CTSD: variants seen among roughly 807,000 people sequenced by gnomAD.
The protein encoded by CTSD is ceroid-lipofuscinosis, neuronal 10.
In CTSD, 28 loss-of-function variants were observed where a neutral mutation model predicts 43.6. That is an observed-to-expected ratio of 0.64 (90% CI 0.48 to 0.88). The LOEUF (loss-of-function observed/expected upper bound fraction) is 0.88, where lower values mean the gene tolerates loss of function less well. Ranked by LOEUF, CTSD falls within the 40% of genes least tolerant of loss-of-function variation. CTSD has a pLI of 0.00. For synonymous variants in CTSD, 270 were observed against 249.8 expected, an observed-to-expected ratio of 1.08 and a Z score of -0.76; for missense variants, 485 against 555.2, an observed-to-expected ratio of 0.87 and a Z score of 1.27.
intron 1 of CTSD, 132 bp downstream of exon 1, chr11:1,763,660 C>A: frequency 1.1e-6 from 1 of 882,122 alleles, no homozygotes; most frequent in Non-Finnish European, 1.6e-6. Context: ...CAGGGCGGCA[C>A]AGGTGCATTC....
At chr11:1,757,301 C>G (rs374359096) in intron 5 of CTSD, 23 bp downstream of exon 5, 1 of 1,598,610 alleles carries the variant, frequency 6.3e-7, no homozygotes. Flanking sequence ...CAACGCGGAG[C>G]GAGAGGGAAC....
Position 1,763,870 on chromosome 11 carries a change from G to A in CTSD, c.-11C>T. 3 of 1,522,496 alleles carry A rather than the reference G, an allele frequency of 2.0e-6. No homozygotes were observed. Among genetic ancestry groups the A allele is most frequent in the Non-Finnish European group, 8.8e-7 (1 of 1,140,650 alleles). The allele number at this position is 1,522,496 out of a possible 1,614,324, so 94.3% of individuals were successfully genotyped here. ...GCTGGAGGGCTGCATGGCGGCGGCG[G>A]CCGGGTCGGAGAGGGTCGCCGAGGC... On this transcript the variant is annotated 5_prime_UTR_variant, in exon 1 of 9. Transcript: ENST00000236671.
chr11:1,759,014 A>G lies in CTSD; in HGVS notation c.426T>C (p.Tyr142=). 2 of 1,614,076 alleles carry G rather than the reference A, an allele frequency of 1.2e-6. No homozygotes were observed. Among genetic ancestry groups the G allele is most frequent in the East Asian group, 2.2e-5 (1 of 44,876 alleles). The change falls in exon 4 of 9, where the codon TAT becomes TAC. Residue 142 remains tyrosine (Y), a synonymous_variant. Coordinates refer to ENST00000236671, the MANE Select transcript of CTSD (RefSeq NM_001909.5). The part of the protein sequence containing the change: ...VKNGTSFDIH[Y]GSGSLSGYLS... ...GGTACCCGGAGAGGCTGCCCGAGCC[A>G]TAGTGGATGTCAAACGAGGTACCAT... is the stretch of plus-strand genomic sequence containing the variant.
chr11:1,762,279 G>C (rs1845888684), intron 1 of CTSD: 1 of 152,592 alleles, frequency 6.6e-6, no homozygotes, highest in Admixed American at 6.5e-5. Flanking sequence ...CACACCGCCA[G>C]CCAGGGTGCA....
Position 1,759,648 on chromosome 11 carries a change from G to C in CTSD, c.229-9C>G, listed in dbSNP as rs1448310730. On this transcript the variant is annotated splice_polypyrimidine_tract_variant and intron_variant, in intron 2 of 8. Coordinates refer to ENST00000236671, the MANE Select transcript of CTSD (RefSeq NM_001909.5). Reference sequence around the variant, plus strand: ...TCCCCGTAGTACTGGGCCTGGCAGGGGACAGGGTCCGTCAGGGATGGGAGA... The same window carrying C: ...TCCCCGTAGTACTGGGCCTGGCAGGCGACAGGGTCCGTCAGGGATGGGAGA... The C allele has an allele frequency of 6.2e-7, 1 of 1,610,492 alleles. No individual in the cohort carries two copies. Among genetic ancestry groups the C allele is most frequent in the South Asian group, 1.1e-5 (1 of 91,010 alleles).
At chr11:1,754,310 C>T in intron 6 of CTSD, 172 bp from the exon 7 acceptor site, 1 of 673,832 alleles carries the variant, frequency 1.5e-6, no homozygotes, top group East Asian at 3.3e-5. Flanking sequence ...AGAGGAGACA[C>T]AGAGTGGTAG....
intron 7 of CTSD, 45 bp from the exon 8 acceptor site, chr11:1,753,946 G>A (rs767386720): frequency 6.2e-7 from 1 of 1,611,748 alleles, no homozygotes; most frequent in Non-Finnish European, 8.5e-7. Context: ...GGTGGCCTTG[G>A]GGCTCCCCCT....
At position 1,755,325 on chromosome 11, in the gene CTSD, G is replaced by A. The variant is rs546564708; in HGVS notation, c.705-297C>T. 297 of 460,156 alleles carry A rather than the reference G, an allele frequency of 6.5e-4. 3 individuals are homozygous for A. The highest frequency in any genetic ancestry group is 5.1e-3 in the Middle Eastern group (8 of 1,570). The allele number at this position is 460,156 out of a possible 1,614,324, so 28.5% of individuals were successfully genotyped here. A position where few individuals can be genotyped will look rare whatever the true frequency, so the allele number is the denominator to read the frequency against. On this transcript the variant is annotated intron_variant, in intron 5 of 8. Transcript: ENST00000236671. ...GCCAGACATCAGGGTCAAGGCTAGC[G>A]GCAGACAAGGAAGTGAGTGCCAGGA... is the stretch of plus-strand genomic sequence containing the variant.
At chr11:1,758,939 A>C in intron 4 of CTSD, 30 bp downstream of exon 4, 5 of 1,475,974 alleles carry the variant, frequency 3.4e-6, no homozygotes, top group Non-Finnish European at 4.7e-6. Context: ...GGCACCCTCG[A>C]GTCCTGGGAA....
In CTSD at chr11:1,754,073, G is replaced by A. The variant is rs369991128; in HGVS notation, c.893C>T (p.Thr298Ile). ...EGCEAIVDTG[T>I]SLMVGPVDEV... is the part of the protein sequence containing the mutation. ...ATCCACCGGGCCCACCATGAGGGAA[G>A]TGCCTGTGTCCACAATGGCCTCACA... Residue 298 changes from threonine (T) to isoleucine (I), a missense_variant, in exon 7 of 9, where the codon ACT (threonine) becomes ATT (isoleucine). Thr to Ile is a moderately conservative substitution (Grantham distance 89). Coordinates refer to ENST00000236671, the MANE Select transcript of CTSD (RefSeq NM_001909.5). 2 of 1,611,716 alleles carry A rather than the reference G, an allele frequency of 1.2e-6. No homozygotes were observed. Among genetic ancestry groups the A allele is most frequent in the Non-Finnish European group, 1.7e-6 (2 of 1,179,720 alleles).
chr11:1,754,578 GTCATGAAGAGTCACA>G (rs1845784490), intron 6 of CTSD, among the ~76,000 whole-genome samples: 2 of 140,384 alleles, frequency 1.4e-5, no homozygotes, highest in East Asian at 2.2e-4. Flanking sequence ...GAGATGGAGG[GTCATGAAGAGTCACA>G]GAGGGATGAG....
chr11:1,759,333 G>C (rs907859337), intron 3 of CTSD, among the ~76,000 whole-genome samples, 183 bp downstream of exon 3: 2 of 152,220 alleles, frequency 1.3e-5, no homozygotes, highest in African/African-American at 4.8e-5. Context: ...GCCCTGCTGA[G>C]AGCAAGACCA....
At chr11:1,760,446 C>G (rs1845860982) in intron 2 of CTSD, 1 of 152,362 alleles carries the variant, frequency 6.6e-6, no homozygotes, top group Admixed American at 6.5e-5. Context: ...CTGGCACCAG[C>G]CCAGCCCAAT....
intron 1 of CTSD, among the ~76,000 whole-genome samples, chr11:1,762,786 G>A (rs1845897923): frequency 6.6e-6 from 1 of 152,198 alleles, no homozygotes; most frequent in Admixed American, 6.5e-5. Context: ...GGCAGGCTCA[G>A]GCTTGTGGCT....
rs1845914588 is a variant in CTSD at position 1,763,869 on chromosome 11, G to A, written c.-10C>T. ...GGCTGGAGGGCTGCATGGCGGCGGC[G>A]GCCGGGTCGGAGAGGGTCGCCGAGG... On this transcript the variant is annotated 5_prime_UTR_variant, in exon 1 of 9. Coordinates refer to ENST00000236671, the MANE Select transcript of CTSD (RefSeq NM_001909.5). 6.6e-7 allele frequency: 1 copy of A among 1,522,842 alleles called. No homozygotes were observed. Among genetic ancestry groups the A allele is most frequent in the Non-Finnish European group, 8.8e-7 (1 of 1,140,794 alleles). 94.3% of individuals were successfully genotyped at this position (1,522,842 alleles called of 1,614,324 possible).
intron 5 of CTSD, 58 bp downstream of exon 5, chr11:1,757,266 C>G (rs56363318): frequency 7.0e-7 from 1 of 1,433,504 alleles, no homozygotes; most frequent in African/African-American, 1.4e-5. Flanking sequence ...GAAGGCTCCC[C>G]GTCCAGCCCC....
Position 1,754,070 on chromosome 11 carries a change from G to T in CTSD, c.896C>A (p.Ser299Tyr). The T allele has an allele frequency of 6.2e-7, 1 of 1,611,652 alleles. No homozygotes were observed. The highest frequency in any genetic ancestry group is 8.5e-7 in the Non-Finnish European group (1 of 1,179,698). Residue 299 changes from serine to tyrosine, a missense_variant, in exon 7 of 9, where the codon TCC becomes TAC. Physicochemically the swap from Ser to Tyr is moderately radical, Grantham distance 144 (BLOSUM62 -2). Transcript: ENST00000236671. ...CTCATCCACCGGGCCCACCATGAGG[G>T]AAGTGCCTGTGTCCACAATGGCCTC... ...GCEAIVDTGT[S>Y]LMVGPVDEVR...
chr11:1,763,700 G>A, intron 1 of CTSD, 92 bp downstream of exon 1: 1 of 1,226,042 alleles, frequency 8.2e-7, no homozygotes, highest in Non-Finnish European at 1.1e-6. Context: ...GGCTCGTGGG[G>A]GCCACAGGGG....
At chr11:1,754,813 C>G in intron 6 of CTSD, 93 bp downstream of exon 6, 1 of 1,565,676 alleles carries the variant, frequency 6.4e-7, no homozygotes, top group Admixed American at 1.7e-5. Flanking sequence ...TCCCCACATG[C>G]AACCCCCACC....
Sources: allele counts gnomAD v4.1 joint callset (sites outside exome capture counted in the v4.1 genomes callset), GRCh38; gene constraint gnomAD v4.1.1; transcripts MANE v1.5; gene names NCBI Gene and HGNC (gene_info 2026-07-23, HGNC 2026-07-21).